ZNF83: variants seen among roughly 807,000 people sequenced by gnomAD.
ZNF83 encodes zinc finger protein 83.
For synonymous variants in ZNF83, 209 were observed against 213.0 expected (o/e 0.98, Z 0.17); for missense variants, 552 against 629.9 (o/e 0.88, Z 1.32).
intron 2 of ZNF83, among the ~76,000 whole-genome samples, chr19:52,656,790 C>A (rs144104730): frequency 6.8e-6 from 1 of 147,678 alleles, no homozygotes; most frequent in East Asian, 2.0e-4. Flanking sequence ...CACTTGAACT[C>A]GGGAGGCTGA....
At position 52,680,012 on chromosome 19, in the gene ZNF83, G is replaced by A. The variant is rs188176700; in HGVS notation, c.-283+10431C>T. Among the ~76,000 whole-genome samples the A allele has an allele frequency of 4.0e-3, 603 of 152,084 alleles. 1 individual carries two copies. Among genetic ancestry groups the A allele is most frequent in the African/African-American group, 0.014 (578 of 41,494 alleles). On this transcript the variant is annotated intron_variant, in intron 1 of 5. Coordinates refer to the ZNF83 transcript ENST00000594682. Reference sequence around the variant, plus strand: ...CTGACCAACATGGAGAAGTCCTGTCGCTACTAAAAATACAAAATTAGCCAG... The same window carrying A: ...CTGACCAACATGGAGAAGTCCTGTCACTACTAAAAATACAAAATTAGCCAG...
intron 1 of ZNF83, among the ~76,000 whole-genome samples, chr19:52,681,303 C>CAAAAAAAAAAAAAAAAA (rs1189423006): frequency 2.7e-4 from 21 of 78,302 alleles, no homozygotes; most frequent in Non-Finnish European, 2.3e-4. Context: ...AAAAAAAAAG[C>CAAAAAAAAAAAAAAAAA]AAACGAACAT....
chr19:52,627,355 G>C (rs2060781978), intron 2 of ZNF83, among the ~76,000 whole-genome samples: 1 of 144,770 alleles, frequency 6.9e-6, no homozygotes, highest in Admixed American at 6.8e-5. Context: ...AGGAAGGAGA[G>C]GCATAAAAAA....
chr19:52,655,902 G>A (rs1484201681), intron 2 of ZNF83, among the ~76,000 whole-genome samples: 5 of 138,676 alleles, frequency 3.6e-5, no homozygotes, highest in Non-Finnish European at 7.7e-5. Flanking sequence ...GGAAGTCTCA[G>A]TTTTATGGAA....
chr19:52,665,850 C>T (rs1414948656), intron 1 of ZNF83, among the ~76,000 whole-genome samples: 3 of 152,012 alleles, frequency 2.0e-5, no homozygotes, highest in East Asian at 1.9e-4. Flanking sequence ...TCTATGAGGA[C>T]GCACCCTTCT....
At chr19:52,638,085 AG>A (rs2061213131) in intron 1 of ZNF83, among the ~76,000 whole-genome samples, 1 of 152,200 alleles carries the variant, frequency 6.6e-6, no homozygotes, top group African/African-American at 2.4e-5. Context: ...ACTACGCGAC[AG>A]GAAGTGTATA....
At chr19:52,684,161 G>A (rs1310587478) in intron 1 of ZNF83, among the ~76,000 whole-genome samples, 1 of 152,074 alleles carries the variant, frequency 6.6e-6, no homozygotes, top group Non-Finnish European at 1.5e-5. Flanking sequence ...TTGAGGTCAG[G>A]AGTTTGAGAC....
intron 2 of ZNF83, among the ~76,000 whole-genome samples, chr19:52,623,438 G>C (rs2060621510): frequency 6.6e-6 from 1 of 152,060 alleles, no homozygotes; most frequent in Non-Finnish European, 1.5e-5. Flanking sequence ...TCCCAATTTG[G>C]TGCCAACTTG....
chr19:52,659,718 A>G (rs8103317), intron 2 of ZNF83, among the ~76,000 whole-genome samples: 39,120 of 152,052 alleles, frequency 0.26, 5,294 homozygotes, highest in Middle Eastern at 0.35. Flanking sequence ...TAATTTCAGG[A>G]TGCAAAAGAA....
chr19:52,681,280 C>CAAAAAAAA lies in ZNF83; in HGVS notation c.-283+9155_-283+9162dup, dbSNP rs56916405. ...CCTGGGTGACAGAGTGAGACTTTCT[C>CAAAAAAAA]AAAAAAAAAAAAAAAAAAAAAGCAA... On this transcript the variant is annotated intron_variant, in intron 1 of 5. Coordinates refer to the ZNF83 transcript ENST00000594682. Among the ~76,000 whole-genome samples, 102 of 75,360 alleles carry CAAAAAAAA rather than the reference C, an allele frequency of 1.4e-3. 3 individuals carry two copies. The highest frequency in any genetic ancestry group is 0.012 in the Middle Eastern group (1 of 86). 49.4% of individuals were successfully genotyped at this position (75,360 alleles called of 152,430 possible). A position where few individuals can be genotyped will look rare whatever the true frequency, so the allele number is the denominator to read the frequency against.
chr19:52,664,662 C>G (rs574999523), intron 1 of ZNF83, among the ~76,000 whole-genome samples: 1 of 143,772 alleles, frequency 7.0e-6, no homozygotes, highest in African/African-American at 2.6e-5. Flanking sequence ...GGAGGTGAGC[C>G]GGGCCTGAGC....
At chr19:52,671,423 G>A (rs960666778) in intron 1 of ZNF83, among the ~76,000 whole-genome samples, 12 of 151,960 alleles carry the variant, frequency 7.9e-5, no homozygotes, top group Admixed American at 3.9e-4. Context: ...ATTAGAAAAT[G>A]TACCTTTTAT....
chr19:52,665,823 C>T (rs1468395095), intron 1 of ZNF83, among the ~76,000 whole-genome samples: 2 of 152,086 alleles, frequency 1.3e-5, no homozygotes, highest in African/African-American at 2.4e-5. Context: ...CCCAAGTGTG[C>T]ACTCACCATT....
chr19:52,656,821 G>A (rs759689224), intron 2 of ZNF83, among the ~76,000 whole-genome samples: 1 of 144,526 alleles, frequency 6.9e-6, no homozygotes, highest in African/African-American at 2.6e-5. Flanking sequence ...AGCTGAGATA[G>A]TGCCATTTCA....
chr19:52,644,139 T>G (rs1457059823), intron 3 of ZNF83, among the ~76,000 whole-genome samples: 4 of 151,902 alleles, frequency 2.6e-5, no homozygotes, highest in Non-Finnish European at 4.4e-5. Context: ...CCGAAGATGG[T>G]CTCTGTGTCT....
chr19:52,617,853 G>C (rs569145485), intron 2 of ZNF83: 1 of 152,632 alleles, frequency 6.6e-6, no homozygotes, highest in East Asian at 1.9e-4. Flanking sequence ...TAAAAAGTAG[G>C]AAACATGACA....
At chr19:52,626,258 A>C (rs1312529386) in intron 2 of ZNF83, among the ~76,000 whole-genome samples, 1 of 152,134 alleles carries the variant, frequency 6.6e-6, no homozygotes, top group Non-Finnish European at 1.5e-5. Flanking sequence ...TACTAGCATT[A>C]CAGATATATC....
At chr19:52,653,241 T>A in intron 3 of ZNF83, 1 of 1,532,926 alleles carries the variant, frequency 6.5e-7, no homozygotes, top group Non-Finnish European at 9.0e-7. Context: ...AAGGTTTCTC[T>A]CCAGTATGAA....
At position 52,614,703 on chromosome 19, in the gene ZNF83, T is replaced by C. The variant is rs1198076595; in HGVS notation, c.-139A>G. On this transcript the variant is annotated 5_prime_UTR_variant, in exon 3 of 3. Coordinates refer to ENST00000301096, the Ensembl canonical transcript of ZNF83. Reference sequence around the variant, plus strand: ...AGCAAAAATCTTGTATGTCGTGGCTTTCATGTCTTTCCAACATTACTGTCT... The same window carrying C: ...AGCAAAAATCTTGTATGTCGTGGCTCTCATGTCTTTCCAACATTACTGTCT... 2.2e-6 allele frequency: 3 copies of C among 1,346,290 alleles called. No individual in the cohort carries two copies. In the South Asian group the frequency reaches 6.7e-5, roughly 30 times the overall value. 83.4% of individuals were successfully genotyped at this position (1,346,290 alleles called of 1,614,324 possible).
Sources: allele counts gnomAD v4.1 joint callset (sites outside exome capture counted in the v4.1 genomes callset), GRCh38; gene constraint gnomAD v4.1.1; transcripts MANE v1.5; gene names NCBI Gene and HGNC (gene_info 2026-07-23, HGNC 2026-07-21).